Variants in NAALADL2 observed in about 807,000 individuals in gnomAD.
The protein encoded by NAALADL2 is N-acetylated alpha-linked acidic dipeptidase like 2.
A neutral mutation model predicts 87.2 loss-of-function variants in NAALADL2; 76 were observed. The ratio of observed to expected loss-of-function variants is 0.87; its 90% CI spans 0.72 to 1.05. The LOEUF is 1.05. Ranked by LOEUF, NAALADL2 falls within the 50% of genes least tolerant of loss-of-function variation. The pLI is 0.00. For missense variants in NAALADL2, 1,089 were observed against 945.8 expected (o/e 1.15, Z -1.99); for synonymous variants, 354 against 331.0 (o/e 1.07, Z -0.75).
At chr3:174,847,944 G>T (rs1289679572) in intron 3 of NAALADL2, among the ~76,000 whole-genome samples, 2 of 150,402 alleles carry the variant, frequency 1.3e-5, no homozygotes, top group East Asian at 2.0e-4. Flanking sequence ...ACATATTTTT[G>T]ATCTCTGCTC....
chr3:175,182,560 T>TTTTG (rs1363550729), intron 2 of NAALADL2, among the ~76,000 whole-genome samples: 4 of 101,612 alleles, frequency 3.9e-5, no homozygotes, highest in African/African-American at 1.7e-4. Context: ...GTTTTTTTTT[T>TTTTG]TTTTTTTTTT....
rs1026677208 is a variant in NAALADL2 at position 175,010,397 on chromosome 3, G to A, written c.44-86393G>A. ...AACATCACTTTCTAAGAGCCTTAAA[G>A]CACTTGACCTTCATTTGGCATCTCT... On this transcript the variant is annotated intron_variant, in intron 1 of 13. Transcript: ENST00000454872. Among the ~76,000 whole-genome samples, 3 of 152,110 alleles carry A rather than the reference G, an allele frequency of 2.0e-5. No individual in the cohort carries two copies. In the East Asian group the frequency reaches 5.8e-4, roughly 29 times the overall value.
In NAALADL2 at chr3:175,323,496, A is replaced by T. The variant is rs139317177; in HGVS notation, c.940-679A>T. ...TAAATCTTAAAGTATAATAATAATA[A>T]AAAAAAGAACCTTATGTATGGTAGA... On this transcript the variant is annotated intron_variant, in intron 4 of 13. Transcript: ENST00000454872. Among the ~76,000 whole-genome samples, 382 of 149,876 alleles carry T rather than the reference A, an allele frequency of 2.5e-3. 9 individuals are homozygous for T. In the East Asian group the frequency reaches 0.058, roughly 23 times the overall value.
intron 1 of NAALADL2, among the ~76,000 whole-genome samples, chr3:174,467,963 G>T (rs922736913): frequency 2.0e-5 from 3 of 151,922 alleles, no homozygotes; most frequent in African/African-American, 7.3e-5. Context: ...TGTATATTTT[G>T]ATATGGTAAA....
chr3:174,565,981 T>G (rs958212504), intron 2 of NAALADL2, among the ~76,000 whole-genome samples: 9 of 152,136 alleles, frequency 5.9e-5, no homozygotes, highest in African/African-American at 1.9e-4. Flanking sequence ...CTATATGCCC[T>G]ACTTTTTTGT....
chr3:174,454,960 T>G (rs1230702429), intron 1 of NAALADL2, among the ~76,000 whole-genome samples: 3 of 151,214 alleles, frequency 2.0e-5, no homozygotes, highest in Admixed American at 1.3e-4. Context: ...GTTTTTTTTT[T>G]TTGAAAAATA....
chr3:174,678,032 G>C (rs1389592176), intron 2 of NAALADL2, among the ~76,000 whole-genome samples: 1 of 152,050 alleles, frequency 6.6e-6, no homozygotes, highest in African/African-American at 2.4e-5. Flanking sequence ...TTCCTACTCT[G>C]CACATGCACA....
At chr3:175,491,621 G>A (rs1483046021) in intron 9 of NAALADL2, among the ~76,000 whole-genome samples, 1 of 152,090 alleles carries the variant, frequency 6.6e-6, no homozygotes, top group Admixed American at 6.6e-5. Flanking sequence ...TTTCCACATT[G>A]TTATACTTAT....
At chr3:175,105,985 G>A (rs116105850) in intron 2 of NAALADL2, among the ~76,000 whole-genome samples, 165 of 152,126 alleles carry the variant, frequency 1.1e-3, no homozygotes, top group African/African-American at 4.0e-3. Flanking sequence ...GTTAGTTTCA[G>A]CTTCAGGAAG....
intron 2 of NAALADL2, among the ~76,000 whole-genome samples, chr3:175,197,244 G>A (rs1739156320): frequency 6.6e-6 from 1 of 151,970 alleles, no homozygotes; most frequent in South Asian, 2.1e-4. Context: ...TTATATCTCT[G>A]TTAACTGTGA....
chr3:175,341,569 T>A (rs899084704), intron 5 of NAALADL2, among the ~76,000 whole-genome samples: 1 of 152,186 alleles, frequency 6.6e-6, no homozygotes, highest in Non-Finnish European at 1.5e-5. Flanking sequence ...TTTAGTTGTT[T>A]GAAGAACTGA....
intron 5 of NAALADL2, among the ~76,000 whole-genome samples, chr3:175,357,319 TG>T (rs1764494597): frequency 6.6e-6 from 1 of 152,144 alleles, no homozygotes; most frequent in Non-Finnish European, 1.5e-5. Context: ...GTTGGTTACA[TG>T]TATCACAAAA....
At chr3:175,284,496 A>G (rs188220030) in intron 4 of NAALADL2, among the ~76,000 whole-genome samples, 3 of 151,812 alleles carry the variant, frequency 2.0e-5, no homozygotes, top group African/African-American at 7.3e-5. Context: ...AGCCAGGATT[A>G]TTTGTATGGA....
intron 5 of NAALADL2, among the ~76,000 whole-genome samples, chr3:175,371,967 G>C (rs991896542): frequency 6.6e-6 from 1 of 152,104 alleles, no homozygotes; most frequent in African/African-American, 2.4e-5. Flanking sequence ...TTGCCATTCT[G>C]AGCTAAACTA....
At chr3:175,176,279 T>C (rs548788788) in intron 2 of NAALADL2, among the ~76,000 whole-genome samples, 1 of 152,254 alleles carries the variant, frequency 6.6e-6, no homozygotes, top group Admixed American at 6.6e-5. Flanking sequence ...TCATCATTAT[T>C]ATGTGATAAT....
chr3:174,869,494 T>C (rs1373260780), intron 1 of NAALADL2, among the ~76,000 whole-genome samples: 1 of 152,188 alleles, frequency 6.6e-6, no homozygotes, highest in African/African-American at 2.4e-5. Context: ...CAGATTTATC[T>C]TTCTGGAAGG....
chr3:175,786,036 T>C (rs1317283194), intron 13 of NAALADL2, among the ~76,000 whole-genome samples: 1 of 152,186 alleles, frequency 6.6e-6, no homozygotes, highest in African/African-American at 2.4e-5. Flanking sequence ...GCCCCCACTC[T>C]CTTCTGGCTT....
intron 5 of NAALADL2, among the ~76,000 whole-genome samples, chr3:175,380,755 A>G (rs1285784127): frequency 6.6e-6 from 1 of 152,142 alleles, no homozygotes; most frequent in African/African-American, 2.4e-5. Flanking sequence ...ACTGTCTGAA[A>G]GTATATATTA....
intron 1 of NAALADL2, among the ~76,000 whole-genome samples, chr3:175,045,568 A>G (rs1340050648): frequency 1.3e-5 from 2 of 152,298 alleles, no homozygotes; most frequent in East Asian, 3.9e-4. Flanking sequence ...AGTTTCATGA[A>G]TACTGGAAGA....
Sources: gnomAD v4.1 joint callset for allele counts (sites outside exome capture counted in the v4.1 genomes callset) on GRCh38, gnomAD v4.1.1 for gene constraint, MANE v1.5 for transcripts, NCBI Gene and HGNC (gene_info 2026-07-23, HGNC 2026-07-21) for gene names.